Variants in TFEC observed in about 807,000 individuals in gnomAD.
TFEC encodes transcription factor EC, also known as class E basic helix-loop-helix protein 34.
A neutral mutation model predicts 41.6 loss-of-function variants in TFEC; 31 were observed. The observed-to-expected ratio is 0.74, with a 90% CI of 0.56 to 1.01. TFEC has a LOEUF of 1.01. TFEC is among the 50% of genes least tolerant of loss of function. The pLI, the probability that TFEC is intolerant of heterozygous loss-of-function variation, is 0.00. For missense variants in TFEC, 402 were observed against 404.1 expected (o/e 0.99, Z 0.04); for synonymous variants, 143 against 140.6 (o/e 1.02, Z -0.12).
At chr7:116,014,562 C>T (rs1795120186) in intron 1 of TFEC, among the ~76,000 whole-genome samples, 1 of 152,046 alleles carries the variant, frequency 6.6e-6, no homozygotes, top group Admixed American at 6.6e-5. Context: ...TTTGTTTTAG[C>T]CTTTTTAATC....
At chr7:116,064,435 A>G (rs1288483518) in intron 3 of TFEC, among the ~76,000 whole-genome samples, 5 of 151,662 alleles carry the variant, frequency 3.3e-5, no homozygotes, top group Non-Finnish European at 1.5e-5. Context: ...AGTTTATTCT[A>G]TGTCAATCAT....
At chr7:116,122,706 A>G (rs1431584080) in intron 1 of TFEC, among the ~76,000 whole-genome samples, 1 of 152,138 alleles carries the variant, frequency 6.6e-6, no homozygotes, top group Non-Finnish European at 1.5e-5. Context: ...TATAAGAAGC[A>G]GAAGATGAGG....
At chr7:116,028,032 G>T (rs55916318) in intron 1 of TFEC, among the ~76,000 whole-genome samples, 1 of 151,984 alleles carries the variant, frequency 6.6e-6, no homozygotes, top group Non-Finnish European at 1.5e-5. Context: ...GGGCTTTCTC[G>T]CCTTGACCAA....
chr7:116,098,123 G>A (rs1470404263), intron 3 of TFEC, among the ~76,000 whole-genome samples: 8 of 152,104 alleles, frequency 5.3e-5, no homozygotes, highest in African/African-American at 1.9e-4. Context: ...TAAGCAAATT[G>A]AGTGGACAGA....
At chr7:116,113,227 C>A (rs13243307) in intron 1 of TFEC, among the ~76,000 whole-genome samples, 1,766 of 151,998 alleles carry the variant, frequency 0.012, 22 homozygotes, top group Non-Finnish European at 0.016. Context: ...AAATAAGGGT[C>A]TTTGCAAATG....
At chr7:116,039,585 A>C (rs770799187) in intron 3 of TFEC, among the ~76,000 whole-genome samples, 7 of 152,054 alleles carry the variant, frequency 4.6e-5, no homozygotes, top group Non-Finnish European at 7.4e-5. Context: ...GAGACATTTC[A>C]CAAATTTTCT....
In TFEC at chr7:116,073,026, A is replaced by G. The variant is rs544936601; in HGVS notation, c.198+37682T>C. Among the ~76,000 whole-genome samples, 88 of 151,750 alleles carry G rather than the reference A, an allele frequency of 5.8e-4. 1 individual carries two copies. The highest frequency in any genetic ancestry group is 2.0e-3 in the African/African-American group (85 of 41,536). On this transcript the variant is annotated intron_variant, in intron 3 of 8. Coordinates refer to the TFEC transcript ENST00000484212. ...TAATTAAACAAAAAAATAAGCATCCAGACTGCAAATGAAGAAATATACTAT... is the reference window on the plus strand; with the variant it reads ...TAATTAAACAAAAAAATAAGCATCCGGACTGCAAATGAAGAAATATACTAT...
At chr7:115,946,622 T>TTC (rs67677341) in intron 6 of TFEC, among the ~76,000 whole-genome samples, 3 of 145,126 alleles carry the variant, frequency 2.1e-5, no homozygotes, top group Admixed American at 6.8e-5. Flanking sequence ...CTTTCTTTCT[T>TTC]TCTCTCTCTC....
In TFEC at chr7:116,116,196, C is replaced by CA. The variant is rs374477442; in HGVS notation, c.-68-4159dup. Among the ~76,000 whole-genome samples, 482 of 151,426 alleles carry CA rather than the reference C, an allele frequency of 3.2e-3. 2 individuals carry two copies. The highest frequency in any genetic ancestry group is 0.011 in the African/African-American group (461 of 41,278). ...AAATAACTATGTTAGAGACATCGAC[C>CA]AAAAAAATGGAAAAGAAGAATAAAA... On this transcript the variant is annotated intron_variant, in intron 1 of 8. Coordinates refer to the TFEC transcript ENST00000484212.
At chr7:115,968,284 G>T in intron 3 of TFEC, 1 of 1,522,214 alleles carries the variant, frequency 6.6e-7, no homozygotes. Context: ...CAATAACCAA[G>T]AGAACTGTGT....
chr7:115,950,917 GGTAA>G lies in TFEC; in HGVS notation c.468_471del (p.Tyr157GlufsTer25). 1 of 1,601,658 alleles carries G rather than the reference GGTAA, an allele frequency of 6.2e-7. No individual in the cohort carries two copies. The highest frequency in any genetic ancestry group is 1.7e-5 in the Admixed American group (1 of 59,310). ...ATAAGAGTGCCAAGCTCCTTGATTC[GGTAA>G]TTAATATTATACCTTCTTCTTCTTT... is the stretch of plus-strand genomic sequence containing the variant. On this transcript the variant is annotated frameshift_variant, in exon 6 of 8. Coordinates refer to ENST00000265440, the MANE Select transcript of TFEC (RefSeq NM_012252.4). LOFTEE classifies it high-confidence loss of function.
chr7:116,070,068 C>T (rs1337491223), intron 3 of TFEC, among the ~76,000 whole-genome samples: 1 of 150,996 alleles, frequency 6.6e-6, no homozygotes, highest in African/African-American at 2.4e-5. Flanking sequence ...TTTATGTGTG[C>T]ATTTATGTCT....
At chr7:116,098,612 A>G (rs1035303977) in intron 3 of TFEC, among the ~76,000 whole-genome samples, 49 of 152,116 alleles carry the variant, frequency 3.2e-4, no homozygotes, top group Admixed American at 3.2e-3. Flanking sequence ...CAAATCCACA[A>G]TTTTAGTTAG....
intron 1 of TFEC, among the ~76,000 whole-genome samples, chr7:116,027,141 T>C (rs1364498508): frequency 2.0e-5 from 3 of 152,172 alleles, no homozygotes; most frequent in East Asian, 1.9e-4. Flanking sequence ...TCTGCAGACA[T>C]TGGCAGGGAT....
chr7:115,979,519 T>C (rs1398710850), intron 2 of TFEC, among the ~76,000 whole-genome samples: 1 of 152,176 alleles, frequency 6.6e-6, no homozygotes, highest in Non-Finnish European at 1.5e-5. Flanking sequence ...GTTTGTTCCC[T>C]GAGCATGTGG....
intron 1 of TFEC, among the ~76,000 whole-genome samples, chr7:116,147,952 C>A (rs1011513385): frequency 1.2e-4 from 19 of 152,164 alleles, no homozygotes; most frequent in African/African-American, 4.3e-4. Flanking sequence ...TAAATAATAA[C>A]TCTAATAAAT....
chr7:115,999,366 T>C (rs1280674525), intron 1 of TFEC, among the ~76,000 whole-genome samples: 1 of 151,880 alleles, frequency 6.6e-6, no homozygotes, highest in East Asian at 1.9e-4. Context: ...AGTTTATGGG[T>C]ATAAACACCT....
Position 115,940,175 on chromosome 7 carries a change from T to C in TFEC, c.*376A>G, listed in dbSNP as rs1272946987. ...TGAAGAGAAGATGGAAATGAGTAAC[T>C]AAGAGACTGTTTGTATATTTCAGTC... is the stretch of plus-strand genomic sequence containing the variant. On this transcript the variant is annotated 3_prime_UTR_variant, in exon 8 of 8. Coordinates refer to ENST00000265440, the MANE Select transcript of TFEC (RefSeq NM_012252.4). 6.2e-6 allele frequency: 1 copy of C among 160,914 alleles called. No homozygotes were observed. 10.0% of individuals were successfully genotyped at this position (160,914 alleles called of 1,614,324 possible). A position where few individuals can be genotyped will look rare whatever the true frequency, so the allele number is the denominator to read the frequency against.
intron 1 of TFEC, among the ~76,000 whole-genome samples, chr7:116,020,517 G>T (rs907535711): frequency 5.3e-5 from 8 of 152,130 alleles, no homozygotes; most frequent in African/African-American, 1.9e-4. Context: ...ATTCGATTTA[G>T]TTCTCTCTTT....
Sources: allele counts gnomAD v4.1 joint callset (sites outside exome capture counted in the v4.1 genomes callset), GRCh38; gene constraint gnomAD v4.1.1; transcripts MANE v1.5; gene names NCBI Gene and HGNC (gene_info 2026-07-23, HGNC 2026-07-21).